The following FCHSD2 variants were observed in gnomAD, a reference collection of about 807,000 sequenced individuals.
FCHSD2 encodes F-BAR and double SH3 domains protein 2.
In FCHSD2, 38 loss-of-function variants were observed where a neutral mutation model predicts 108.1. The ratio of observed to expected loss-of-function variants is 0.35; its 90% CI spans 0.27 to 0.46. FCHSD2 has a LOEUF of 0.46. Ranked by LOEUF, FCHSD2 falls within the 20% of genes least tolerant of loss-of-function variation. The probability of loss-of-function intolerance (pLI) is 1.00; values close to 1 mark genes in which losing one functional copy is unlikely to be tolerated. For missense variants in FCHSD2, 751 were observed against 897.8 expected (o/e 0.84, Z 2.09); for synonymous variants, 279 against 314.7 (o/e 0.89, Z 1.20).
chr11:73,025,181 A>T (rs985941090), intron 3 of FCHSD2, among the ~76,000 whole-genome samples: 2 of 152,222 alleles, frequency 1.3e-5, no homozygotes, highest in Non-Finnish European at 2.9e-5. Flanking sequence ...ATAAAGATAC[A>T]TGCACACATA....
intron 3 of FCHSD2, among the ~76,000 whole-genome samples, chr11:73,051,738 C>CA (rs1211546842): frequency 1.3e-5 from 2 of 151,722 alleles, no homozygotes; most frequent in East Asian, 1.9e-4. Context: ...TTCAAAACAA[C>CA]AAAAAAAATT....
chr11:73,010,021 T>G (rs1857828139), intron 4 of FCHSD2, among the ~76,000 whole-genome samples: 1 of 152,228 alleles, frequency 6.6e-6, no homozygotes, highest in Admixed American at 6.5e-5. Flanking sequence ...CTTTGCCATC[T>G]GGGAAACCAA....
At chr11:73,132,104 G>C (rs940290614) in intron 2 of FCHSD2, among the ~76,000 whole-genome samples, 2 of 152,176 alleles carry the variant, frequency 1.3e-5, no homozygotes, top group Non-Finnish European at 2.9e-5. Context: ...CAAGTTCTAT[G>C]CATGAAGAGG....
Position 72,897,432 on chromosome 11 carries a change from A to T in FCHSD2, c.924+5111T>A, listed in dbSNP as rs539771295. On this transcript the variant is annotated intron_variant, in intron 10 of 19. Coordinates refer to ENST00000409418, the MANE Select transcript of FCHSD2 (RefSeq NM_014824.3). ...GGACCATTATTAGCATAGCATTTAC[A>T]TTGTATTAGGGATTATAATCTAGTG... Among the ~76,000 whole-genome samples, 3 of 151,860 alleles carry T rather than the reference A, an allele frequency of 2.0e-5. No homozygotes were observed. The South Asian group carries it at 6.2e-4, about 32-fold the overall frequency.
chr11:72,955,395 G>A (rs1367832666), intron 8 of FCHSD2, among the ~76,000 whole-genome samples: 1 of 152,146 alleles, frequency 6.6e-6, no homozygotes, highest in Non-Finnish European at 1.5e-5. Context: ...CCCTCTCTGG[G>A]TGGGCTACCC....
At chr11:73,059,530 ACTT>A (rs1046383803) in intron 3 of FCHSD2, among the ~76,000 whole-genome samples, 36 of 152,136 alleles carry the variant, frequency 2.4e-4, no homozygotes, top group African/African-American at 8.7e-4. Context: ...CTTCACTCTA[ACTT>A]CTTCTGCCTT....
intron 8 of FCHSD2, among the ~76,000 whole-genome samples, chr11:72,962,675 C>G (rs575114490): frequency 6.7e-6 from 1 of 149,286 alleles, no homozygotes; most frequent in South Asian, 2.1e-4. Context: ...GATTTCCTAT[C>G]AAATTCTGGA....
At chr11:72,910,810 G>A (rs374321817) in intron 9 of FCHSD2, among the ~76,000 whole-genome samples, 19 of 107,874 alleles carry the variant, frequency 1.8e-4, no homozygotes, top group African/African-American at 4.7e-4. Flanking sequence ...AAACACCCAA[G>A]AATGATCAAT....
chr11:73,008,042 ACTC>A lies in FCHSD2; in HGVS notation c.243-6911_243-6909del. Among the ~76,000 whole-genome samples, 2 of 152,150 alleles carry A rather than the reference ACTC, an allele frequency of 1.3e-5. 1 individual carries two copies. Among genetic ancestry groups the A allele is most frequent in the African/African-American group, 4.8e-5 (2 of 41,424 alleles). ...TCTACTGGCATCACATCTCAAGACAACTCAGGACAATGTGATTAAGGGCTGGCT... is the reference window on the plus strand; with the variant it reads ...TCTACTGGCATCACATCTCAAGACAAAGGACAATGTGATTAAGGGCTGGCT... On this transcript the variant is annotated intron_variant, in intron 4 of 19. Coordinates refer to ENST00000409418, the MANE Select transcript of FCHSD2 (RefSeq NM_014824.3).
intron 3 of FCHSD2, among the ~76,000 whole-genome samples, chr11:73,033,027 A>G (rs1200007181): frequency 2.6e-5 from 4 of 152,056 alleles, no homozygotes; most frequent in Non-Finnish European, 5.9e-5. Context: ...GGTGGCTCAC[A>G]CCTGTAATCC....
intron 2 of FCHSD2, among the ~76,000 whole-genome samples, chr11:73,115,549 A>G (rs1860583965): frequency 6.6e-6 from 1 of 152,216 alleles, no homozygotes; most frequent in African/African-American, 2.4e-5. Flanking sequence ...TGGAGGGTGC[A>G]TGCATCAAGG....
chr11:72,875,148 G>C (rs1854941229), intron 12 of FCHSD2, among the ~76,000 whole-genome samples: 2 of 152,034 alleles, frequency 1.3e-5, no homozygotes, highest in Admixed American at 1.3e-4. Flanking sequence ...TAAGGACAAG[G>C]ACTGTGTGTA....
chr11:72,927,805 T>C (rs575240365), intron 8 of FCHSD2, among the ~76,000 whole-genome samples: 1 of 152,324 alleles, frequency 6.6e-6, no homozygotes, highest in Admixed American at 6.5e-5. Flanking sequence ...CCATCCTGAA[T>C]AGGGTCAAGA....
intron 2 of FCHSD2, among the ~76,000 whole-genome samples, chr11:73,132,824 G>A (rs200241574): frequency 0.011 from 1,185 of 110,534 alleles, no homozygotes; most frequent in African/African-American, 0.012. Flanking sequence ...AACGGTAACA[G>A]AAAAAAAAAA....
chr11:73,022,417 T>C (rs74535400), intron 3 of FCHSD2, among the ~76,000 whole-genome samples: 4,720 of 152,304 alleles, frequency 0.031, 91 homozygotes, highest in Non-Finnish European at 0.052. Flanking sequence ...TTTAGCAAAG[T>C]TGCACAATAC....
chr11:72,846,286 T>A (rs1457681233), intron 14 of FCHSD2, among the ~76,000 whole-genome samples: 1 of 150,998 alleles, frequency 6.6e-6, no homozygotes. Context: ...GTTCAAGAAA[T>A]TCTCCTGCCT....
chr11:72,853,742 T>TA (rs1861353618), intron 13 of FCHSD2, among the ~76,000 whole-genome samples: 1 of 151,850 alleles, frequency 6.6e-6, no homozygotes. Flanking sequence ...CTTATCAAAA[T>TA]AAAAAATATG....
At chr11:73,047,128 A>G (rs1858787648) in intron 3 of FCHSD2, among the ~76,000 whole-genome samples, 1 of 152,138 alleles carries the variant, frequency 6.6e-6, no homozygotes, top group South Asian at 2.1e-4. Context: ...TACATATTAA[A>G]TGAGTACACA....
chr11:72,849,955 A>C, intron 13 of FCHSD2, 66 bp from the exon 14 acceptor site: 1 of 1,291,370 alleles, frequency 7.7e-7, no homozygotes, highest in South Asian at 1.3e-5. Context: ...AGCCGGAAAA[A>C]CACTTAAAAC....
Sources: allele counts gnomAD v4.1 joint callset (sites outside exome capture counted in the v4.1 genomes callset), GRCh38; gene constraint gnomAD v4.1.1; transcripts MANE v1.5; gene names NCBI Gene and HGNC (gene_info 2026-07-23, HGNC 2026-07-21).